Variants in HUNK observed in about 807,000 individuals in gnomAD.
HUNK encodes hormonally up-regulated neu tumor-associated kinase.
In HUNK, 21 loss-of-function variants were observed where a neutral mutation model predicts 61.0. That is an observed-to-expected ratio of 0.34 (90% CI 0.24 to 0.50). The LOEUF (loss-of-function observed/expected upper bound fraction) is 0.50, where lower values mean the gene tolerates loss of function less well. Ranked by LOEUF, HUNK falls within the 20% of genes least tolerant of loss-of-function variation. The pLI, the probability that HUNK is intolerant of heterozygous loss-of-function variation, is 0.98. For missense variants in HUNK, 772 were observed against 945.7 expected, an observed-to-expected ratio of 0.82 and a Z score of 2.41; for synonymous variants, 371 against 386.1, an observed-to-expected ratio of 0.96 and a Z score of 0.46.
intron 5 of HUNK, among the ~76,000 whole-genome samples, chr21:31,960,883 G>A (rs1218309788): frequency 6.6e-6 from 1 of 152,196 alleles, no homozygotes; most frequent in African/African-American, 2.4e-5. Context: ...TTGTATAACT[G>A]TGGTATAATA....
chr21:31,916,333 A>G (rs1195566696), intron 1 of HUNK, among the ~76,000 whole-genome samples: 2 of 151,882 alleles, frequency 1.3e-5, no homozygotes, highest in Non-Finnish European at 2.9e-5. Flanking sequence ...TACAGGTGTG[A>G]GCCATTGCGC....
At chr21:31,964,543 A>G (rs917006127) in intron 5 of HUNK, among the ~76,000 whole-genome samples, 1 of 152,158 alleles carries the variant, frequency 6.6e-6, no homozygotes, top group Non-Finnish European at 1.5e-5. Context: ...TGGAGAACCT[A>G]AGTGTTATCT....
At chr21:31,953,477 G>A (rs2052866519) in intron 4 of HUNK, among the ~76,000 whole-genome samples, 1 of 152,098 alleles carries the variant, frequency 6.6e-6, no homozygotes, top group African/African-American at 2.4e-5. Context: ...CTGGTGATCC[G>A]CCCACCTCAG....
chr21:31,929,465 C>T (rs1384089954), intron 2 of HUNK, among the ~76,000 whole-genome samples: 1 of 152,062 alleles, frequency 6.6e-6, no homozygotes, highest in Non-Finnish European at 1.5e-5. Flanking sequence ...TTCCCCTAAA[C>T]GTGCTTACTG....
Position 31,873,835 on chromosome 21 carries a change from A to G in HUNK, c.161A>G (p.His54Arg). 1 of 1,583,832 alleles carries G rather than the reference A, an allele frequency of 6.3e-7. No individual in the cohort carries two copies. The highest frequency in any genetic ancestry group is 8.6e-7 in the Non-Finnish European group (1 of 1,167,716). Residue 54 changes from histidine (H) to arginine (R), a missense_variant, in exon 1 of 11, where the codon CAC (histidine) becomes CGC (arginine). His to Arg is a conservative substitution (Grantham distance 29). Coordinates refer to ENST00000270112, the MANE Select transcript of HUNK (RefSeq NM_014586.2). The surrounding 1 kb of genome is among the most constrained non-coding windows in gnomAD (Gnocchi z 6.1). Reference protein sequence around the residue: ...VPRERLRDFQHHKRVGNYLIG... With the variant: ...VPRERLRDFQRHKRVGNYLIG... ...CGCGAGCGGCTCCGCGACTTCCAGC[A>G]CCACAAGCGCGTGGGCAACTACCTC...
chr21:31,978,267 G>GAA (rs1353119057), intron 7 of HUNK, among the ~76,000 whole-genome samples: 1 of 152,130 alleles, frequency 6.6e-6, no homozygotes, highest in Admixed American at 6.5e-5. Flanking sequence ...ATACATTGTG[G>GAA]AATGGCTAAA....
rs548095439 is a variant in HUNK at position 31,883,405 on chromosome 21, C to T, written c.261+9470C>T. Among the ~76,000 whole-genome samples, 35 of 152,218 alleles carry T rather than the reference C, an allele frequency of 2.3e-4. No homozygotes were observed. In the South Asian group the frequency reaches 6.0e-3, roughly 26 times the overall value. ...GGAATTGAGTATATTTTCATACCTT[C>T]TCAACTGTTTGTACTTCATTTCTGT... On this transcript the variant is annotated intron_variant, in intron 1 of 10. Coordinates refer to ENST00000270112, the MANE Select transcript of HUNK (RefSeq NM_014586.2).
intron 2 of HUNK, among the ~76,000 whole-genome samples, chr21:31,938,858 A>C (rs769712926): frequency 6.6e-6 from 1 of 152,224 alleles, no homozygotes; most frequent in African/African-American, 2.4e-5. Context: ...CAGAGCTGAT[A>C]ATAATTGACC....
intron 4 of HUNK, among the ~76,000 whole-genome samples, chr21:31,947,673 C>T (rs1487418910): frequency 6.6e-6 from 1 of 152,114 alleles, no homozygotes; most frequent in Non-Finnish European, 1.5e-5. Flanking sequence ...AGGATGAATC[C>T]TCAGTTGCAC....
At chr21:31,877,817 T>C (rs948403634) in intron 1 of HUNK, among the ~76,000 whole-genome samples, 1 of 152,176 alleles carries the variant, frequency 6.6e-6, no homozygotes, top group African/African-American at 2.4e-5. Flanking sequence ...TGATTTGTGA[T>C]ACCTATGAGA....
chr21:31,983,601 T>A lies in HUNK; in HGVS notation c.1249T>A (p.Ser417Thr). 1 of 1,611,040 alleles carries A rather than the reference T, an allele frequency of 6.2e-7. No homozygotes were observed. Among genetic ancestry groups the A allele is most frequent in the South Asian group, 1.1e-5 (1 of 90,954 alleles). The change falls in exon 8 of 11, where the codon TCC becomes ACC. Residue 417 changes from serine to threonine, a missense_variant. Ser to Thr is a moderately conservative substitution (Grantham distance 58). This residue lies in a region of HUNK where 413 missense variants were observed against 444.4 expected (regional missense o/e 0.93). Coordinates refer to ENST00000270112, the MANE Select transcript of HUNK (RefSeq NM_014586.2). ...AGAAAAGTACAGGGCCCCCAAGGAG[T>A]CCTATGAGGTGAGTGACCCCTGAAG... ...QIEKYRAPKE[S>T]YEASLDTWTR...
intron 5 of HUNK, among the ~76,000 whole-genome samples, chr21:31,967,926 C>G (rs1201877091): frequency 6.6e-5 from 10 of 152,160 alleles, no homozygotes. Flanking sequence ...TGGGGAGACC[C>G]AAACTGGTTC....
intron 1 of HUNK, among the ~76,000 whole-genome samples, chr21:31,913,965 G>A (rs1352552821): frequency 6.6e-6 from 1 of 152,100 alleles, no homozygotes; most frequent in Non-Finnish European, 1.5e-5. Flanking sequence ...AACCAAACAC[G>A]CAGAGCCTAC....
intron 6 of HUNK, among the ~76,000 whole-genome samples, chr21:31,971,577 A>G (rs924837549): frequency 5.9e-5 from 9 of 152,252 alleles, no homozygotes; most frequent in Admixed American, 5.9e-4. Context: ...GTTTCCCAAC[A>G]TACCTAGCCC....
intron 2 of HUNK, among the ~76,000 whole-genome samples, chr21:31,934,296 A>T (rs1004219639): frequency 2.0e-5 from 3 of 151,848 alleles, no homozygotes; most frequent in African/African-American, 7.3e-5. Context: ...ACAAAAAATT[A>T]GCCGGGTGCG....
chr21:31,890,340 T>C (rs1213353319), intron 1 of HUNK, among the ~76,000 whole-genome samples: 1 of 152,074 alleles, frequency 6.6e-6, no homozygotes, highest in Admixed American at 6.5e-5. Context: ...GCGATTCTCC[T>C]GCATCAGGCT....
chr21:31,963,353 C>G (rs954829767), intron 5 of HUNK, among the ~76,000 whole-genome samples: 5 of 152,096 alleles, frequency 3.3e-5, no homozygotes, highest in Admixed American at 1.3e-4. Context: ...TAAGACGCAC[C>G]CCCCCTACAA....
intron 1 of HUNK, among the ~76,000 whole-genome samples, chr21:31,898,323 T>C (rs948918693): frequency 6.6e-6 from 1 of 152,204 alleles, no homozygotes; most frequent in Non-Finnish European, 1.5e-5. Flanking sequence ...TGAAGTGCAA[T>C]GGCGCGATCT....
chr21:31,895,553 T>C (rs2052419153), intron 1 of HUNK, among the ~76,000 whole-genome samples: 1 of 152,198 alleles, frequency 6.6e-6, no homozygotes, highest in Non-Finnish European at 1.5e-5. Flanking sequence ...TTTCTCTATG[T>C]GTAATGGGAG....
Sources: gnomAD v4.1 joint callset for allele counts (sites outside exome capture counted in the v4.1 genomes callset) on GRCh38, gnomAD v4.1.1 for gene constraint, gnomAD v4.1.1 regional missense constraint, Gnocchi (gnomAD v3.1) non-coding constraint, MANE v1.5 for transcripts, NCBI Gene and HGNC (gene_info 2026-07-23, HGNC 2026-07-21) for gene names.